The following NAALAD2 variants were observed in gnomAD, a reference collection of about 807,000 sequenced individuals.
NAALAD2 encodes N-acetylated-alpha-linked acidic dipeptidase 2.
NAALAD2 carries 89 observed loss-of-function variants against 95.6 expected under a neutral mutation model. The ratio of observed to expected loss-of-function variants is 0.93; its 90% CI spans 0.78 to 1.11. The LOEUF (loss-of-function observed/expected upper bound fraction) is 1.11, where lower values mean the gene tolerates loss of function less well. Ranked by LOEUF, NAALAD2 falls within the 50% of genes least tolerant of loss-of-function variation. The probability of loss-of-function intolerance (pLI) is 0.00; values close to 1 mark genes in which losing one functional copy is unlikely to be tolerated. For missense variants in NAALAD2, 894 were observed against 872.4 expected, an observed-to-expected ratio of 1.02 and a Z score of -0.31; for synonymous variants, 264 against 294.4, an observed-to-expected ratio of 0.90 and a Z score of 1.06.
At chr11:90,188,766 T>C (rs957900163) in intron 18 of NAALAD2, among the ~76,000 whole-genome samples, 4 of 152,222 alleles carry the variant, frequency 2.6e-5, no homozygotes, top group African/African-American at 7.2e-5. Context: ...ATTGTAACTA[T>C]CACAACAAAG....
rs529226056 is a variant in NAALAD2, at chr11:90,173,861, T to A, written c.1448T>A (p.Leu483Gln). 1.2e-5 allele frequency: 20 copies of A among 1,613,244 alleles called. 1 individual carries two copies. The South Asian group carries it at 1.6e-4, about 13-fold the overall frequency. Residue 483 changes from leucine (L) to glutamine (Q), a missense_variant, in exon 14 of 19, where the codon CTG (leucine) becomes CAG (glutamine). Transcript: ENST00000534061. ...GATGATGGGTTTGAGAGTAAATCAC[T>A]GTATGAAAGCTGGTTGGAAAAAGAC... ...SPDDGFESKS[L>Q]YESWLEKDPS...
At chr11:90,188,551 T>A (rs117766583) in intron 18 of NAALAD2, among the ~76,000 whole-genome samples, 2,315 of 152,268 alleles carry the variant, frequency 0.015, 27 homozygotes, top group Non-Finnish European at 0.024. Flanking sequence ...TATGGTATTT[T>A]TCTCAGGGCG....
rs1312042477 is a variant in NAALAD2 at position 90,134,668 on chromosome 11, T to G, written c.-91T>G. 7.6e-7 allele frequency: 1 copy of G among 1,309,724 alleles called. No homozygotes were observed. Among genetic ancestry groups the G allele is most frequent in the Non-Finnish European group, 1.1e-6 (1 of 912,042 alleles). The allele number at this position is 1,309,724 out of a possible 1,614,324, so 81.1% of individuals were successfully genotyped here. A position where few individuals can be genotyped will look rare whatever the true frequency, so the allele number is the denominator to read the frequency against. On this transcript the variant is annotated 5_prime_UTR_variant, in exon 1 of 19. Transcript: ENST00000534061. ...AAGGTCAGCGGAGGCCACCCAGAGCTCACAGCCTCCTGCCAGCGCGCTCTC... is the reference window on the plus strand; with the variant it reads ...AAGGTCAGCGGAGGCCACCCAGAGCGCACAGCCTCCTGCCAGCGCGCTCTC...
At chr11:90,161,925 GAA>G (rs11322265) in intron 8 of NAALAD2, among the ~76,000 whole-genome samples, 88 of 143,440 alleles carry the variant, frequency 6.1e-4, no homozygotes, top group Admixed American at 9.7e-4. Flanking sequence ...GCCTTAAAAT[GAA>G]AAAAAAAAAA....
At position 90,159,129 on chromosome 11, in the gene NAALAD2, A is replaced by T. The variant is rs1052712385; in HGVS notation, c.891-110A>T. The stretch of plus-strand genomic sequence containing the variant: ...TTTTGACAGTACCTGGCACTTAGTA[A>T]ATGACAAATATTTGTTATATATATG... On this transcript the variant is annotated intron_variant, in intron 7 of 18. Coordinates refer to ENST00000534061, the MANE Select transcript of NAALAD2 (RefSeq NM_005467.4). 1.5e-5 allele frequency: 13 copies of T among 857,758 alleles called. No individual in the cohort carries two copies. The African/African-American group carries it at 2.2e-4, about 15-fold the overall frequency. The allele number at this position is 857,758 out of a possible 1,614,324, so 53.1% of individuals were successfully genotyped here.
At chr11:90,143,998 T>C (rs1951685834) in intron 2 of NAALAD2, among the ~76,000 whole-genome samples, 1 of 152,138 alleles carries the variant, frequency 6.6e-6, no homozygotes, top group East Asian at 1.9e-4. Flanking sequence ...AATTTCAGCT[T>C]ATGTATTATC....
intron 11 of NAALAD2, among the ~76,000 whole-genome samples, chr11:90,168,560 A>C (rs1419402004): frequency 6.6e-6 from 1 of 152,202 alleles, no homozygotes; most frequent in Non-Finnish European, 1.5e-5. Flanking sequence ...TTTTAGCCTC[A>C]CTGTGAGTTC....
chr11:90,164,481 T>C (rs1654142035), intron 11 of NAALAD2: 1 of 152,216 alleles, frequency 6.6e-6, no homozygotes, highest in Admixed American at 6.5e-5. Flanking sequence ...CTAGTTGGCA[T>C]TTCCTGCCTG....
intron 2 of NAALAD2, among the ~76,000 whole-genome samples, chr11:90,138,295 G>A (rs765117652): frequency 1.4e-4 from 21 of 152,100 alleles, no homozygotes; most frequent in Non-Finnish European, 2.8e-4. Flanking sequence ...GGAGGAAGAG[G>A]AGGGGTTGGT....
At chr11:90,143,636 C>A (rs755865500) in intron 2 of NAALAD2, among the ~76,000 whole-genome samples, 1 of 152,004 alleles carries the variant, frequency 6.6e-6, no homozygotes, top group Admixed American at 6.6e-5. Context: ...TCTTTCTGTA[C>A]CATTCTTTCT....
rs1951440158 is a variant in NAALAD2 at position 90,135,734 on chromosome 11, T to TACCTGCA, written c.194+64_194+65insACCTGCA. ...TTAAAATATCACAGTGAGAAGCATA[T>TACCTGCA]TATACCTGGTTATATGCATGAGGAC... On this transcript the variant is annotated intron_variant, in intron 2 of 18. Transcript: ENST00000534061. 3.2e-6 allele frequency: 4 copies of TACCTGCA among 1,263,268 alleles called. No individual in the cohort carries two copies. The Admixed American group carries it at 5.7e-5, about 18-fold the overall frequency. The allele number at this position is 1,263,268 out of a possible 1,614,324, so 78.3% of individuals were successfully genotyped here. A position where few individuals can be genotyped will look rare whatever the true frequency, so the allele number is the denominator to read the frequency against.
chr11:90,173,028 C>T (rs570746994), intron 13 of NAALAD2, among the ~76,000 whole-genome samples: 79 of 152,058 alleles, frequency 5.2e-4, no homozygotes, highest in Non-Finnish European at 1.0e-3. Flanking sequence ...AAAATATAGT[C>T]AATATGTGTA....
At chr11:90,177,598 T>G (rs1308751866) in intron 15 of NAALAD2, among the ~76,000 whole-genome samples, 8 of 55,636 alleles carry the variant, frequency 1.4e-4, no homozygotes, top group Admixed American at 9.9e-4. Context: ...TTTTTTTTTT[T>G]TTTTTTTTTT....
chr11:90,175,966 A>C lies in NAALAD2; in HGVS notation c.1503-6A>C. On this transcript the variant is annotated splice_region_variant and splice_polypyrimidine_tract_variant and intron_variant, in intron 14 of 18. Transcript: ENST00000534061. The stretch of plus-strand genomic sequence containing the variant: ...TGTGTGTGTGTGGATTGCATTCTAC[A>C]TCTAGAATCAATAAGCTGGGATCTG... 6.3e-7 allele frequency: 1 copy of C among 1,575,406 alleles called. No individual in the cohort carries two copies.
At chr11:90,167,308 G>A (rs4366446) in intron 11 of NAALAD2, among the ~76,000 whole-genome samples, 14,777 of 152,244 alleles carry the variant, frequency 0.097, 1,223 homozygotes, top group Admixed American at 0.26. Flanking sequence ...CAAGCCCGGG[G>A]CAGTAAGGGG....
At chr11:90,188,648 T>C (rs1857231595) in intron 18 of NAALAD2, among the ~76,000 whole-genome samples, 1 of 152,218 alleles carries the variant, frequency 6.6e-6, no homozygotes, top group South Asian at 2.1e-4. Flanking sequence ...ACTGTCACAC[T>C]AGAAATTAAG....
Position 90,159,223 on chromosome 11 carries a change from C to G in NAALAD2, c.891-16C>G, listed in dbSNP as rs758817353. The G allele has an allele frequency of 1.9e-6, 3 of 1,589,800 alleles. No individual in the cohort carries two copies. Among genetic ancestry groups the G allele is most frequent in the South Asian group, 2.2e-5 (2 of 90,072 alleles). On this transcript the variant is annotated splice_polypyrimidine_tract_variant and intron_variant, in intron 7 of 18. Coordinates refer to ENST00000534061, the MANE Select transcript of NAALAD2 (RefSeq NM_005467.4). Reference sequence around the variant, plus strand: ...TGTGGTAGCCTTTTTCTGTCACTTTCATTTTATTTTGTCAGCTACTTGGGA... The same window carrying G: ...TGTGGTAGCCTTTTTCTGTCACTTTGATTTTATTTTGTCAGCTACTTGGGA...
intron 2 of NAALAD2, among the ~76,000 whole-genome samples, chr11:90,143,691 A>C (rs113716272): frequency 0.018 from 2,704 of 152,282 alleles, 41 homozygotes; most frequent in Non-Finnish European, 0.027. Flanking sequence ...AGACAGATAC[A>C]CTGAGCGAAG....
intron 2 of NAALAD2, among the ~76,000 whole-genome samples, chr11:90,135,925 T>C (rs1293830884): frequency 6.6e-6 from 1 of 152,170 alleles, no homozygotes; most frequent in Non-Finnish European, 1.5e-5. Context: ...CATGTAACTT[T>C]GGATCTAACT....
Sources: gnomAD v4.1 joint callset for allele counts (sites outside exome capture counted in the v4.1 genomes callset) on GRCh38, gnomAD v4.1.1 for gene constraint, MANE v1.5 for transcripts, NCBI Gene and HGNC (gene_info 2026-07-23, HGNC 2026-07-21) for gene names.